The following PAPPA2 variants were observed in gnomAD, a reference collection of about 807,000 sequenced individuals.
PAPPA2 encodes the protein pappalysin-2.
In PAPPA2, 86 loss-of-function variants were observed where a neutral mutation model predicts 176.4. The ratio of observed to expected loss-of-function variants is 0.49; its 90% confidence interval spans 0.41 to 0.58. The LOEUF is 0.58. Ranked by LOEUF, PAPPA2 falls within the 20% of genes least tolerant of loss-of-function variation. The pLI is 0.00. For missense variants in PAPPA2, 2,073 were observed against 2,256.9 expected (o/e 0.92, Z 1.65); for synonymous variants, 809 against 852.2 (o/e 0.95, Z 0.88).
chr1:176,685,323 A>G (rs1306393522), intron 4 of PAPPA2, among the ~76,000 whole-genome samples: 5 of 152,148 alleles, frequency 3.3e-5, no homozygotes, highest in Admixed American at 3.3e-4. Flanking sequence ...CAGATCAGTA[A>G]ACAGCCTTGA....
chr1:176,523,900 C>T (rs1325527360), intron 1 of PAPPA2, among the ~76,000 whole-genome samples: 1 of 152,226 alleles, frequency 6.6e-6, no homozygotes, highest in Non-Finnish European at 1.5e-5. Flanking sequence ...CTTCTCTTCC[C>T]TCCAGATTCT....
At chr1:176,692,074 A>G (rs997456517) in intron 5 of PAPPA2, 52 bp from the exon 6 acceptor site, 29 of 1,517,696 alleles carry the variant, frequency 1.9e-5, no homozygotes, top group Non-Finnish European at 2.4e-5. Context: ...GCCTTGGTGG[A>G]CTTGATGGGT....
At chr1:176,518,397 A>G (rs1308670115) in intron 1 of PAPPA2, among the ~76,000 whole-genome samples, 1 of 152,020 alleles carries the variant, frequency 6.6e-6, no homozygotes, top group South Asian at 2.1e-4. Flanking sequence ...TGGAATGTCC[A>G]GAAGGACTTC....
intron 1 of PAPPA2, among the ~76,000 whole-genome samples, chr1:176,540,965 A>G (rs1573015706): frequency 6.6e-6 from 1 of 152,314 alleles, no homozygotes; most frequent in East Asian, 1.9e-4. Context: ...TTTGAGGCAC[A>G]TTATGTGGCA....
chr1:176,550,445 G>T (rs754442777), intron 1 of PAPPA2, among the ~76,000 whole-genome samples: 2 of 152,208 alleles, frequency 1.3e-5, no homozygotes, highest in Non-Finnish European at 2.9e-5. Flanking sequence ...GAGCGGGGAA[G>T]AACCCAGCAT....
At chr1:176,574,008 T>C (rs762355633) in intron 2 of PAPPA2, among the ~76,000 whole-genome samples, 1 of 152,140 alleles carries the variant, frequency 6.6e-6, no homozygotes, top group Non-Finnish European at 1.5e-5. Context: ...GAGTGTCATG[T>C]GACGCATCAT....
At chr1:176,514,280 C>A (rs1436445858) in intron 1 of PAPPA2, among the ~76,000 whole-genome samples, 2 of 152,006 alleles carry the variant, frequency 1.3e-5, no homozygotes, top group Non-Finnish European at 2.9e-5. Context: ...CGGTGTCAGA[C>A]TCCTTTAAAC....
At chr1:176,682,957 G>C (rs776064737) in intron 4 of PAPPA2, among the ~76,000 whole-genome samples, 1 of 151,912 alleles carries the variant, frequency 6.6e-6, no homozygotes, top group Non-Finnish European at 1.5e-5. Context: ...AAATTTTACA[G>C]AACTGTTTTA....
chr1:176,466,328 A>G (rs549075203), intron 1 of PAPPA2, among the ~76,000 whole-genome samples: 23 of 152,304 alleles, frequency 1.5e-4, no homozygotes, highest in African/African-American at 5.5e-4. Flanking sequence ...AGTAATGTCC[A>G]ATCATTTTTG....
intron 4 of PAPPA2, among the ~76,000 whole-genome samples, chr1:176,671,424 A>G (rs1415363815): frequency 6.6e-6 from 1 of 152,228 alleles, no homozygotes; most frequent in Non-Finnish European, 1.5e-5. Flanking sequence ...CAAGTGGGGA[A>G]CTATCAAAAT....
intron 1 of PAPPA2, among the ~76,000 whole-genome samples, chr1:176,541,950 A>G (rs567773928): frequency 5.9e-5 from 9 of 152,348 alleles, no homozygotes; most frequent in Non-Finnish European, 1.5e-5. Context: ...TTAGCACTTA[A>G]TTCAAAATGT....
intron 4 of PAPPA2, 28 bp from the exon 5 acceptor site, chr1:176,690,109 G>C (rs1167175219): frequency 1.3e-6 from 2 of 1,569,182 alleles, no homozygotes; most frequent in African/African-American, 1.4e-5. Context: ...TCTGTGCTCT[G>C]AAAGGCTTTT....
chr1:176,755,487 C>T (rs1663371308), intron 14 of PAPPA2, among the ~76,000 whole-genome samples: 1 of 152,220 alleles, frequency 6.6e-6, no homozygotes, highest in South Asian at 2.1e-4. Context: ...CCTAACTCTT[C>T]ATGTTTCACA....
At chr1:176,805,301 C>T (rs1166474815) in intron 21 of PAPPA2, among the ~76,000 whole-genome samples, 1 of 152,136 alleles carries the variant, frequency 6.6e-6, no homozygotes, top group African/African-American at 2.4e-5. Context: ...TAAAATCCAC[C>T]TAATTCTTGG....
intron 4 of PAPPA2, among the ~76,000 whole-genome samples, chr1:176,679,736 T>C (rs1659488457): frequency 6.6e-6 from 1 of 151,896 alleles, no homozygotes; most frequent in Non-Finnish European, 1.5e-5. Flanking sequence ...GAAATGAAAC[T>C]TGAAATGTGG....
chr1:176,675,070 T>C (rs1177899147), intron 4 of PAPPA2, among the ~76,000 whole-genome samples: 1 of 152,138 alleles, frequency 6.6e-6, no homozygotes, highest in East Asian at 1.9e-4. Flanking sequence ...TTCTTGGTCA[T>C]GAACTCTTTG....
At chr1:176,777,959 G>A (rs1664533628) in intron 17 of PAPPA2, among the ~76,000 whole-genome samples, 1 of 151,300 alleles carries the variant, frequency 6.6e-6, no homozygotes, top group South Asian at 2.1e-4. Flanking sequence ...CTTTAACAAG[G>A]AGTATACTCA....
At chr1:176,816,960 A>G (rs1165747623) in intron 21 of PAPPA2, among the ~76,000 whole-genome samples, 2 of 152,180 alleles carry the variant, frequency 1.3e-5, no homozygotes, top group African/African-American at 4.8e-5. Context: ...GCACTTATTA[A>G]AGGACTGTAT....
In PAPPA2 at chr1:176,595,211, A is replaced by G. The variant is rs1251206606; in HGVS notation, c.1607A>G (p.Glu536Gly). ...CAGGTGGTGAACATCTGTGATGATG[A>G]GGGCCTAAACCCCATTGTGAGTGAG... ...RYQVVNICDD[E>G]GLNPIVSEEQ... The change falls in exon 3 of 23, where the codon GAG (glutamate) becomes GGG (glycine). Residue 536 changes from glutamate (E) to glycine (G), a missense_variant. Around this residue, in one of 4 missense-constraint regions of PAPPA2, gnomAD observed 1,196 missense variants for 1,330.4 expected, o/e 0.90. Coordinates refer to ENST00000367662, the MANE Select transcript of PAPPA2 (RefSeq NM_020318.3). 8 of 1,614,112 alleles carry G rather than the reference A, an allele frequency of 5.0e-6. No homozygotes were observed. The highest frequency in any genetic ancestry group is 6.8e-6 in the Non-Finnish European group (8 of 1,180,042).
Sources: allele counts gnomAD v4.1 joint callset (sites outside exome capture counted in the v4.1 genomes callset), GRCh38; gene constraint gnomAD v4.1.1; regional missense constraint gnomAD v4.1.1; transcripts MANE v1.5; gene names NCBI Gene and HGNC (gene_info 2026-07-23, HGNC 2026-07-21).